Variants in NRXN3 observed in about 807,000 individuals in gnomAD.
NRXN3 encodes the protein neurexin III.
In NRXN3, 32 loss-of-function variants were observed where a neutral mutation model predicts 137.6. That is an observed-to-expected ratio of 0.23 (90% confidence interval 0.18 to 0.31). The LOEUF is 0.31. Ranked by LOEUF, NRXN3 falls within the 10% of genes least tolerant of loss-of-function variation. The pLI is 1.00. For missense variants in NRXN3, 1,574 were observed against 2,062.5 expected, an observed-to-expected ratio of 0.76 and a Z score of 4.59; for synonymous variants, 798 against 784.5, an observed-to-expected ratio of 1.02 and a Z score of -0.29.
Position 78,557,381 on chromosome 14 carries a change from C to A in NRXN3, c.758-87739C>A, listed in dbSNP as rs375869341. On this transcript the variant is annotated intron_variant, in intron 4 of 20. Transcript: ENST00000335750. ...GATCTCTATCTTTAATATTCCTCTT[C>A]CCTCCTGCTTAATTGAATGAGGAAG... Among the ~76,000 whole-genome samples the A allele has an allele frequency of 6.6e-5, 10 of 152,104 alleles. No individual in the cohort carries two copies. The East Asian group carries it at 9.7e-4, about 15-fold the overall frequency.
At chr14:78,871,172 C>T (rs971004362) in intron 10 of NRXN3, among the ~76,000 whole-genome samples, 1 of 150,390 alleles carries the variant, frequency 6.6e-6, no homozygotes, top group African/African-American at 2.5e-5. Flanking sequence ...CTAATTTATT[C>T]CCACCAGCAC....
intron 15 of NRXN3, among the ~76,000 whole-genome samples, chr14:79,245,255 A>ACAG (rs1334389349): frequency 6.6e-6 from 1 of 152,146 alleles, no homozygotes; most frequent in Non-Finnish European, 1.5e-5. Context: ...CCAAGTAATA[A>ACAG]CAGCCACCAT....
chr14:78,814,957 A>C (rs907080438), intron 10 of NRXN3, among the ~76,000 whole-genome samples: 1 of 152,222 alleles, frequency 6.6e-6, no homozygotes, highest in Non-Finnish European at 1.5e-5. Context: ...CAGTAAACAC[A>C]TATTAATGAA....
intron 16 of NRXN3, among the ~76,000 whole-genome samples, chr14:79,629,729 AAAAC>A (rs1459955786): frequency 2.0e-5 from 3 of 152,308 alleles, no homozygotes; most frequent in East Asian, 1.9e-4. Context: ...GGGGAGAAGA[AAAAC>A]AAAGAGATCA....
intron 4 of NRXN3, among the ~76,000 whole-genome samples, chr14:78,442,812 A>G (rs2094301697): frequency 6.6e-6 from 1 of 152,242 alleles, no homozygotes; most frequent in Non-Finnish European, 1.5e-5. Flanking sequence ...GGGCCTTGTC[A>G]TGTGAGAACA....
At chr14:79,401,029 G>T (rs1032101603) in intron 15 of NRXN3, among the ~76,000 whole-genome samples, 2 of 152,184 alleles carry the variant, frequency 1.3e-5, no homozygotes, top group African/African-American at 4.8e-5. Context: ...TCAAGCATCA[G>T]TTAGGTGCAG....
At chr14:78,280,707 C>CA (rs2074292234) in intron 3 of NRXN3, among the ~76,000 whole-genome samples, 1 of 152,182 alleles carries the variant, frequency 6.6e-6, no homozygotes, top group East Asian at 1.9e-4. Context: ...CTAGTGCTCA[C>CA]ACAGGCGCCA....
intron 15 of NRXN3, among the ~76,000 whole-genome samples, chr14:79,119,786 T>A (rs1366259817): frequency 1.3e-5 from 2 of 152,184 alleles, no homozygotes; most frequent in African/African-American, 4.8e-5. Flanking sequence ...ATGTATTTCC[T>A]GTTATTTTTA....
intron 8 of NRXN3, among the ~76,000 whole-genome samples, chr14:78,774,656 C>A (rs1417786732): frequency 6.6e-6 from 1 of 152,004 alleles, no homozygotes; most frequent in Non-Finnish European, 1.5e-5. Context: ...GGTGCCTTGC[C>A]CCTATAATCC....
At chr14:78,704,173 G>A (rs567929141) in intron 6 of NRXN3, among the ~76,000 whole-genome samples, 1 of 152,284 alleles carries the variant, frequency 6.6e-6, no homozygotes, top group East Asian at 1.9e-4. Flanking sequence ...CAAATACCTT[G>A]GAAGAATTTG....
intron 1 of NRXN3, among the ~76,000 whole-genome samples, chr14:78,208,524 G>C (rs998398703): frequency 6.6e-6 from 1 of 152,106 alleles, no homozygotes; most frequent in Non-Finnish European, 1.5e-5. Flanking sequence ...CCTCCTCTCT[G>C]AGGCCATCCC....
intron 16 of NRXN3, among the ~76,000 whole-genome samples, chr14:79,639,748 A>G (rs546522501): frequency 5.3e-5 from 8 of 152,344 alleles, no homozygotes; most frequent in East Asian, 1.9e-4. Flanking sequence ...AGCTAAGGTC[A>G]TAAATATTTT....
chr14:78,625,866 T>C (rs61976104), intron 4 of NRXN3, among the ~76,000 whole-genome samples: 17,172 of 152,084 alleles, frequency 0.11, 1,576 homozygotes, highest in African/African-American at 0.24. Flanking sequence ...AGTAAAGGAT[T>C]TGGGGTCAGC....
intron 4 of NRXN3, among the ~76,000 whole-genome samples, chr14:78,337,398 G>A (rs910161394): frequency 1.3e-5 from 2 of 152,112 alleles, no homozygotes; most frequent in Non-Finnish European, 2.9e-5. Flanking sequence ...TAGGTACCAG[G>A]GATAATTAGT....
chr14:78,990,320 GA>G (rs1034629958), intron 15 of NRXN3, among the ~76,000 whole-genome samples: 1 of 149,758 alleles, frequency 6.7e-6, no homozygotes, highest in Non-Finnish European at 1.5e-5. Flanking sequence ...TCTGTGATTG[GA>G]TAGATACATA....
Position 78,719,611 on chromosome 14 carries a change from G to T in NRXN3, c.2044+4472G>T, listed in dbSNP as rs570247539. 2.4e-4 allele frequency among the ~76,000 whole-genome samples: 36 copies of T among 152,304 alleles called. 1 individual carries two copies. The Middle Eastern group carries it at 0.017, about 72-fold the overall frequency. ...AATCCCAGCACTTTGGGAGGCTGAG[G>T]TGGGTGGGTCACCTGAGGTCAGGAG... On this transcript the variant is annotated intron_variant, in intron 8 of 20. Transcript: ENST00000335750.
intron 16 of NRXN3, among the ~76,000 whole-genome samples, chr14:79,497,828 A>G (rs1295857292): frequency 6.6e-6 from 1 of 152,136 alleles, no homozygotes; most frequent in Non-Finnish European, 1.5e-5. Flanking sequence ...CGAGGTCAGG[A>G]GCTCGAGACC....
chr14:78,696,232 G>A (rs1332655906), intron 6 of NRXN3, among the ~76,000 whole-genome samples: 1 of 151,960 alleles, frequency 6.6e-6, no homozygotes, highest in East Asian at 1.9e-4. Flanking sequence ...TAAGCCTATA[G>A]GCTCTGAAGC....
intron 4 of NRXN3, among the ~76,000 whole-genome samples, chr14:78,365,544 C>A (rs1597819413): frequency 1.3e-5 from 2 of 152,188 alleles, no homozygotes; most frequent in Admixed American, 1.3e-4. Context: ...TTGGCTAGAA[C>A]TCAGTCATGA....
Sources: allele counts gnomAD v4.1 joint callset (sites outside exome capture counted in the v4.1 genomes callset), GRCh38; gene constraint gnomAD v4.1.1; transcripts MANE v1.5; gene names NCBI Gene and HGNC (gene_info 2026-07-23, HGNC 2026-07-21).